SNX30: variants seen among roughly 807,000 people sequenced by gnomAD.
SNX30 encodes sorting nexin-30.
SNX30 carries 24 observed loss-of-function variants against 46.4 expected under a neutral mutation model. The ratio of observed to expected loss-of-function variants is 0.52; its 90% CI spans 0.37 to 0.73. SNX30 has a LOEUF of 0.73. Among genes scored for constraint, SNX30 ranks in the 30% least tolerant of loss-of-function variants. The pLI is 0.00. For missense variants in SNX30, 533 were observed against 555.7 expected (o/e 0.96, Z 0.41); for synonymous variants, 189 against 211.5 (o/e 0.89, Z 0.92).
intron 1 of SNX30, among the ~76,000 whole-genome samples, chr9:112,782,712 G>A (rs1332718729): frequency 2.0e-5 from 3 of 152,296 alleles, no homozygotes; most frequent in Admixed American, 6.5e-5. Context: ...ATCAGTTTAG[G>A]GATTGACATG....
chr9:112,818,173 A>G (rs1370380956), intron 3 of SNX30, among the ~76,000 whole-genome samples: 1 of 151,910 alleles, frequency 6.6e-6, no homozygotes, highest in Non-Finnish European at 1.5e-5. Flanking sequence ...TTTAAAAAAC[A>G]GAACCAGAGC....
At chr9:112,765,560 G>T (rs1002069268) in intron 1 of SNX30, among the ~76,000 whole-genome samples, 4 of 152,096 alleles carry the variant, frequency 2.6e-5, no homozygotes, top group Non-Finnish European at 5.9e-5. Context: ...GTGGCCTTTC[G>T]TGCCTGGCTT....
At chr9:112,769,870 T>G (rs944045944) in intron 1 of SNX30, among the ~76,000 whole-genome samples, 2 of 152,166 alleles carry the variant, frequency 1.3e-5, no homozygotes, top group African/African-American at 4.8e-5. Flanking sequence ...AGCTCACTCT[T>G]AATTCCAAGG....
At chr9:112,751,200 C>G in intron 1 of SNX30, 43 bp downstream of exon 1, 1 of 1,374,862 alleles carries the variant, frequency 7.3e-7, no homozygotes. Context: ...TATTTCGCTC[C>G]CCGTGGGGGG....
chr9:112,837,887 C>CTTTTTTTTTTTTTTTTTTTTT lies in SNX30; in HGVS notation c.815-608_815-588dup, dbSNP rs10713538. On this transcript the variant is annotated intron_variant, in intron 5 of 8. Coordinates refer to ENST00000374232, the MANE Select transcript of SNX30 (RefSeq NM_001012994.2). ...CTATGGGTAGGCGAGTGGTTCTTTT[C>CTTTTTTTTTTTTTTTTTTTTT]TTTTTTTTTTTTTTTTTTTTTTTGA... Among the ~76,000 whole-genome samples, 2 of 71,176 alleles carry CTTTTTTTTTTTTTTTTTTTTT rather than the reference C, an allele frequency of 2.8e-5. 1 individual carries two copies. Among genetic ancestry groups the CTTTTTTTTTTTTTTTTTTTTT allele is most frequent in the African/African-American group, 1.3e-4 (2 of 15,992 alleles). The allele number at this position is 71,176 out of a possible 152,430, so 46.7% of individuals were successfully genotyped here.
chr9:112,865,793 T>A (rs1200112255), intron 8 of SNX30, among the ~76,000 whole-genome samples: 3 of 147,396 alleles, frequency 2.0e-5, no homozygotes, highest in African/African-American at 7.7e-5. Flanking sequence ...ATATATATAT[T>A]GCGATAGGGT....
At chr9:112,760,973 G>C (rs1474295460) in intron 1 of SNX30, among the ~76,000 whole-genome samples, 2 of 152,166 alleles carry the variant, frequency 1.3e-5, no homozygotes, top group African/African-American at 4.8e-5. Flanking sequence ...AAAGACCTGT[G>C]GCCGCTGGAG....
At position 112,838,581 on chromosome 9, in the gene SNX30, G is replaced by A; in HGVS notation, c.898G>A (p.Gly300Ser). ...LEGELAEPLE[G>S]VSACIGNCST... Reference sequence around the variant, plus strand: ...GGGTGAGCTGGCTGAACCCCTGGAGGGTGTGTCAGCTTGCATTGGGAACTG... The same window carrying A: ...GGGTGAGCTGGCTGAACCCCTGGAGAGTGTGTCAGCTTGCATTGGGAACTG... Residue 300 changes from glycine (G) to serine (S), a missense_variant, in exon 6 of 9, where the codon GGT becomes AGT. Coordinates refer to ENST00000374232, the MANE Select transcript of SNX30 (RefSeq NM_001012994.2). The A allele has an allele frequency of 1.2e-6, 2 of 1,614,188 alleles. No homozygotes were observed. Among genetic ancestry groups the A allele is most frequent in the Non-Finnish European group, 1.7e-6 (2 of 1,180,012 alleles).
At chr9:112,877,572 T>G (rs1324527426), downstream of SNX30, 1 of 152,542 alleles carries the variant, frequency 6.6e-6, no homozygotes, top group Non-Finnish European at 1.5e-5. Context: ...GCCCCAAATC[T>G]GAGTCATTCT....
intron 1 of SNX30, among the ~76,000 whole-genome samples, chr9:112,761,485 G>A (rs1481981315): frequency 2.0e-5 from 3 of 152,146 alleles, no homozygotes; most frequent in East Asian, 1.9e-4. Context: ...TTGAGCAGGG[G>A]GATGTGTGAT....
exon 5 of SNX30, chr9:112,880,181 A>G (rs1424431223): frequency 6.1e-6 from 1 of 163,842 alleles, no homozygotes; most frequent in Admixed American, 6.2e-5. Flanking sequence ...AAATACAAAA[A>G]TTAGCTGGGC....
Position 112,750,801 on chromosome 9 carries a change from G to C in SNX30, c.-201G>C, listed in dbSNP as rs1285724387. On this transcript the variant is annotated 5_prime_UTR_variant, in exon 1 of 9. Transcript: ENST00000374232. Reference sequence around the variant, plus strand: ...CGGACCCGCGGCGGGCTCGGGCGCGGAGCGGGGGCGCGCGGCGCGGAGCGG... The same window carrying C: ...CGGACCCGCGGCGGGCTCGGGCGCGCAGCGGGGGCGCGCGGCGCGGAGCGG... 1 of 234,116 alleles carries C rather than the reference G, an allele frequency of 4.3e-6. No homozygotes were observed. The highest frequency in any genetic ancestry group is 2.4e-5 in the African/African-American group (1 of 42,432). The allele number at this position is 234,116 out of a possible 1,614,324, so 14.5% of individuals were successfully genotyped here. A position where few individuals can be genotyped will look rare whatever the true frequency, so the allele number is the denominator to read the frequency against.
intron 1 of SNX30, among the ~76,000 whole-genome samples, chr9:112,752,551 G>T (rs1475029229): frequency 6.6e-6 from 1 of 152,190 alleles, no homozygotes; most frequent in African/African-American, 2.4e-5. Context: ...GCTGCAGTGA[G>T]CTATGATTGC....
At chr9:112,752,101 A>G (rs1439427758) in intron 1 of SNX30, among the ~76,000 whole-genome samples, 2 of 152,172 alleles carry the variant, frequency 1.3e-5, no homozygotes, top group African/African-American at 4.8e-5. Context: ...CCTTGTCCCA[A>G]TATTAATGGG....
At chr9:112,880,380 A>G (rs1841562544) in exon 5 of SNX30, 1 of 150,914 alleles carries the variant, frequency 6.6e-6, no homozygotes, top group South Asian at 2.1e-4. Flanking sequence ...TTACTTAAGA[A>G]TTGCTTAAGG....
intron 6 of SNX30, among the ~76,000 whole-genome samples, chr9:112,844,480 G>A (rs1167491335): frequency 6.6e-6 from 1 of 152,156 alleles, no homozygotes; most frequent in Non-Finnish European, 1.5e-5. Context: ...TGTGATTGAG[G>A]TGCGTAGAGT....
chr9:112,761,341 T>G (rs1839432906), intron 1 of SNX30, among the ~76,000 whole-genome samples: 1 of 152,074 alleles, frequency 6.6e-6, no homozygotes, highest in African/African-American at 2.4e-5. Context: ...TTTAGTATTT[T>G]TAGTAGAGAT....
At chr9:112,875,511 C>A (rs1205591265), downstream of SNX30, among the ~76,000 whole-genome samples, 1 of 152,222 alleles carries the variant, frequency 6.6e-6, no homozygotes, top group Non-Finnish European at 1.5e-5. Flanking sequence ...AGCTTTTCCA[C>A]TTACTAGCTA....
In SNX30 at chr9:112,832,510, G is replaced by GAGAGA. The variant is rs376705361; in HGVS notation, c.618+1629_618+1630insAGAAG. On this transcript the variant is annotated intron_variant, in intron 4 of 8. Coordinates refer to ENST00000374232, the MANE Select transcript of SNX30 (RefSeq NM_001012994.2). ...TGTGTGTGTGTGAGAGAGAGAGAGA[G>GAGAGA]AGGAGATTTATCTATCTGTGGGCCA... Among the ~76,000 whole-genome samples the GAGAGA allele has an allele frequency of 9.3e-3, 1,293 of 139,384 alleles. 32 individuals are homozygous for GAGAGA. Among genetic ancestry groups the GAGAGA allele is most frequent in the African/African-American group, 0.033 (1,187 of 35,902 alleles). The allele number at this position is 139,384 out of a possible 152,430, so 91.4% of individuals were successfully genotyped here.
Sources: gnomAD v4.1 joint callset for allele counts (sites outside exome capture counted in the v4.1 genomes callset) on GRCh38, gnomAD v4.1.1 for gene constraint, MANE v1.5 for transcripts, NCBI Gene and HGNC (gene_info 2026-07-23, HGNC 2026-07-21) for gene names.